TCF4: variants seen among roughly 807,000 people sequenced by gnomAD.
The protein encoded by TCF4 is transcription factor 4, also known as SL3-3 enhancer factor 2.
TCF4 carries 3 observed loss-of-function variants against 82.1 expected under a neutral mutation model. That is an observed-to-expected ratio of 0.04 (90% confidence interval 0.02 to 0.09). TCF4 has a LOEUF of 0.09. Ranked by LOEUF, TCF4 falls within the 10% of genes least tolerant of loss-of-function variation. The pLI, the probability that TCF4 is intolerant of heterozygous loss-of-function variation, is 1.00. For synonymous variants in TCF4, 276 were observed against 309.6 expected (o/e 0.89, Z 1.14); for missense variants, 518 against 852.7 (o/e 0.61, Z 4.89).
chr18:55,632,450 G>A (rs953094547), intron 1 of TCF4, among the ~76,000 whole-genome samples: 5 of 152,312 alleles, frequency 3.3e-5, no homozygotes, highest in South Asian at 2.1e-4. Context: ...TCAGGGAGAC[G>A]ATGGAGTTTT....
intron 5 of TCF4, among the ~76,000 whole-genome samples, chr18:55,447,036 C>G (rs1212554601): frequency 2.0e-5 from 3 of 150,406 alleles, no homozygotes; most frequent in Non-Finnish European, 4.4e-5. Context: ...CCAAGCTGGA[C>G]ACAGTGGCTC....
chr18:55,587,578 C>T (rs1225743107), intron 1 of TCF4, among the ~76,000 whole-genome samples: 2 of 151,434 alleles, frequency 1.3e-5, no homozygotes, highest in African/African-American at 4.8e-5. Context: ...ACCCCACCCC[C>T]CTCGCACACT....
intron 8 of TCF4, among the ~76,000 whole-genome samples, chr18:55,324,167 T>C (rs2076173253): frequency 1.3e-5 from 2 of 152,240 alleles, no homozygotes; most frequent in Admixed American, 6.5e-5. Context: ...ACTAGAACAT[T>C]AAGCTTCTGG....
At chr18:55,439,708 C>G (rs1343305881) in intron 5 of TCF4, among the ~76,000 whole-genome samples, 1 of 152,030 alleles carries the variant, frequency 6.6e-6, no homozygotes, top group Non-Finnish European at 1.5e-5. Flanking sequence ...TATTCAAGGC[C>G]ACTTAAACGA....
chr18:55,527,233 A>G (rs886475459), intron 3 of TCF4, among the ~76,000 whole-genome samples: 5 of 152,124 alleles, frequency 3.3e-5, no homozygotes, highest in Admixed American at 2.6e-4. Flanking sequence ...CTTCACATAC[A>G]TGTCTACAAA....
rs1198752082 is a variant in TCF4 at position 55,585,307 on chromosome 18, A to G, written c.118T>C (p.Leu40=). Residue 40 remains leucine, a synonymous_variant, in exon 3 of 20, where the codon TTG becomes CTG. Transcript: ENST00000354452. ...VSSGKNGPTS[L]ASGHFTGSNV... ...GAGCCAGTAAAATGTCCACTTGCCA[A>G]AGAAGTTGGTCCATTTTTCCCACTG... 1 of 1,614,062 alleles carries G rather than the reference A, an allele frequency of 6.2e-7. No individual in the cohort carries two copies. Among genetic ancestry groups the G allele is most frequent in the Admixed American group, 1.7e-5 (1 of 60,022 alleles).
chr18:55,363,372 T>C (rs1443653815), intron 6 of TCF4, among the ~76,000 whole-genome samples: 1 of 152,206 alleles, frequency 6.6e-6, no homozygotes, highest in Non-Finnish European at 1.5e-5. Flanking sequence ...TACTAAAATA[T>C]GTTTAAATGC....
At chr18:55,534,709 C>A (rs555730729) in intron 3 of TCF4, among the ~76,000 whole-genome samples, 13 of 152,260 alleles carry the variant, frequency 8.5e-5, no homozygotes, top group African/African-American at 2.6e-4. Flanking sequence ...TTAAAAAAAA[C>A]CCCTTTTCAA....
At chr18:55,572,073 C>T (rs573942956) in intron 3 of TCF4, among the ~76,000 whole-genome samples, 186 of 152,256 alleles carry the variant, frequency 1.2e-3, no homozygotes, top group African/African-American at 4.4e-3. Context: ...AATTCACCTG[C>T]AGTGGGCATG....
intron 2 of TCF4, among the ~76,000 whole-genome samples, chr18:55,610,261 C>A (rs544427886): frequency 6.6e-6 from 1 of 152,316 alleles, no homozygotes; most frequent in Admixed American, 6.5e-5. Flanking sequence ...ATCCATTTCC[C>A]TGGCCTAATG....
intron 5 of TCF4, among the ~76,000 whole-genome samples, chr18:55,442,414 T>A (rs948053670): frequency 6.6e-6 from 1 of 152,242 alleles, no homozygotes; most frequent in African/African-American, 2.4e-5. Context: ...GGAAGTAGGT[T>A]TTATTTTAAA....
At chr18:55,492,707 T>C (rs144304325) in intron 3 of TCF4, among the ~76,000 whole-genome samples, 234 of 152,298 alleles carry the variant, frequency 1.5e-3, no homozygotes, top group African/African-American at 5.0e-3. Flanking sequence ...GGTCCTGAGA[T>C]AGATCTTATT....
chr18:55,362,338 AG>A (rs1167572370), intron 6 of TCF4, among the ~76,000 whole-genome samples: 19 of 98,564 alleles, frequency 1.9e-4, no homozygotes, highest in African/African-American at 2.2e-4. Context: ...CAAAAAAAAA[AG>A]AGGAAGGAAG....
At chr18:55,403,850 A>G in intron 5 of TCF4, 1 of 1,476,102 alleles carries the variant, frequency 6.8e-7, no homozygotes. Flanking sequence ...ATTTTTATTT[A>G]CACAGCAGGC....
chr18:55,508,692 T>C (rs1456203765), intron 3 of TCF4, among the ~76,000 whole-genome samples: 3 of 151,996 alleles, frequency 2.0e-5, no homozygotes, highest in African/African-American at 7.2e-5. Flanking sequence ...AGCCCACCCT[T>C]CCCAGCTCAC....
At chr18:55,554,354 G>A (rs2097286006) in intron 3 of TCF4, among the ~76,000 whole-genome samples, 1 of 151,856 alleles carries the variant, frequency 6.6e-6, no homozygotes, top group African/African-American at 2.4e-5. Flanking sequence ...ATAAACACTA[G>A]TTTATTATAG....
At chr18:55,582,420 T>C (rs899212042) in intron 3 of TCF4, among the ~76,000 whole-genome samples, 72 of 152,248 alleles carry the variant, frequency 4.7e-4, no homozygotes, top group African/African-American at 1.6e-3. Context: ...CATGGCTGAA[T>C]TGTTTTAGTG....
chr18:55,503,271 T>TGAAAATTCGAAGTTAGAAAGCC (rs934967060), intron 3 of TCF4, among the ~76,000 whole-genome samples: 1 of 152,232 alleles, frequency 6.6e-6, no homozygotes, highest in Non-Finnish European at 1.5e-5. Flanking sequence ...CATGCATTCC[T>TGAAAATTCGAAGTTAGAAAGCC]GAAAATTCGA....
chr18:55,514,299 C>T (rs186950446), intron 3 of TCF4, among the ~76,000 whole-genome samples: 134 of 152,118 alleles, frequency 8.8e-4, no homozygotes, highest in Admixed American at 1.8e-3. Flanking sequence ...ACATGGTCTC[C>T]AAGTTTACTT....
Sources: gnomAD v4.1 joint callset for allele counts (sites outside exome capture counted in the v4.1 genomes callset) on GRCh38, gnomAD v4.1.1 for gene constraint, MANE v1.5 for transcripts, NCBI Gene and HGNC (gene_info 2026-07-23, HGNC 2026-07-21) for gene names.